Variants in SSBP2 observed in about 807,000 individuals in gnomAD.
SSBP2 encodes single-stranded DNA-binding protein 2.
Under a neutral mutation model 61.8 loss-of-function variants are expected in SSBP2, and 17 were observed. The observed-to-expected ratio is 0.28, with a 90% confidence interval of 0.19 to 0.41. The LOEUF (loss-of-function observed/expected upper bound fraction) is 0.41, where lower values mean the gene tolerates loss of function less well. SSBP2 is among the 10% of genes least tolerant of loss of function. SSBP2 has a pLI of 1.00. For synonymous variants in SSBP2, 139 were observed against 141.3 expected, an observed-to-expected ratio of 0.98 and a Z score of 0.12; for missense variants, 310 against 458.7, an observed-to-expected ratio of 0.68 and a Z score of 2.96.
intron 4 of SSBP2, among the ~76,000 whole-genome samples, chr5:81,541,275 C>G (rs1441244718): frequency 6.6e-6 from 1 of 152,068 alleles, no homozygotes; most frequent in Admixed American, 6.6e-5. Context: ...ATAGAAGACA[C>G]AAACAAATGT....
chr5:81,659,407 C>A (rs1439515569), intron 1 of SSBP2, among the ~76,000 whole-genome samples: 1 of 152,042 alleles, frequency 6.6e-6, no homozygotes, highest in Non-Finnish European at 1.5e-5. Context: ...GAATGAACTC[C>A]CATTCACAAC....
At chr5:81,512,659 T>C (rs896505514) in intron 5 of SSBP2, among the ~76,000 whole-genome samples, 2 of 152,308 alleles carry the variant, frequency 1.3e-5, no homozygotes, top group South Asian at 2.1e-4. Context: ...TTTATTCAAC[T>C]GATACGGTTT....
chr5:81,646,466 G>T (rs1011119239), intron 2 of SSBP2, among the ~76,000 whole-genome samples: 1 of 151,950 alleles, frequency 6.6e-6, no homozygotes, highest in Admixed American at 6.6e-5. Flanking sequence ...GAGGATTTAG[G>T]TAAGATTGTT....
intron 4 of SSBP2, among the ~76,000 whole-genome samples, chr5:81,560,906 A>G (rs1240990003): frequency 6.6e-6 from 1 of 152,178 alleles, no homozygotes; most frequent in African/African-American, 2.4e-5. Context: ...AATACAATAC[A>G]GAATTATTAA....
chr5:81,663,813 T>C (rs971925586), intron 1 of SSBP2, among the ~76,000 whole-genome samples: 3 of 152,200 alleles, frequency 2.0e-5, no homozygotes, highest in African/African-American at 7.2e-5. Flanking sequence ...AAAGTAGCCA[T>C]TTAATATGGG....
intron 5 of SSBP2, among the ~76,000 whole-genome samples, chr5:81,500,649 C>T (rs761968442): frequency 2.6e-5 from 4 of 151,900 alleles, no homozygotes; most frequent in South Asian, 2.1e-4. Flanking sequence ...TTAGTAGAGA[C>T]GGGATTTCAC....
At position 81,532,212 on chromosome 5, in the gene SSBP2, T is replaced by TA. The variant is rs1770470264; in HGVS notation, c.283-18496dup. On this transcript the variant is annotated intron_variant, in intron 4 of 16. Transcript: ENST00000320672. ...GTATGGAGGAGGAAGTGATCATAGA[T>TA]AAAAAGGCCAGATGTGAAAATTAAT... Among the ~76,000 whole-genome samples, 3 of 152,150 alleles carry TA rather than the reference T, an allele frequency of 2.0e-5. No homozygotes were observed. In the South Asian group the frequency reaches 6.2e-4, roughly 31 times the overall value.
rs192283003 is a variant in SSBP2 at position 81,680,451 on chromosome 5, C to A, written c.63-30112G>T. On this transcript the variant is annotated intron_variant, in intron 1 of 16. Coordinates refer to ENST00000320672, the MANE Select transcript of SSBP2 (RefSeq NM_012446.5). The stretch of plus-strand genomic sequence containing the variant: ...ACATTAAACGTCAGTGGTGTAACTA[C>A]ACCAATTAAAAGAGATTGTCAGAGT... 6.9e-4 allele frequency among the ~76,000 whole-genome samples: 105 copies of A among 151,344 alleles called. 2 individuals are homozygous for A. The East Asian group carries it at 0.015, about 22-fold the overall frequency.
At chr5:81,694,239 T>C (rs1006207848) in intron 1 of SSBP2, among the ~76,000 whole-genome samples, 3 of 152,186 alleles carry the variant, frequency 2.0e-5, no homozygotes, top group African/African-American at 7.2e-5. Context: ...TCAGAATGAA[T>C]AAGACCCAGC....
intron 1 of SSBP2, chr5:81,710,809 G>A (rs1754725517): frequency 2.6e-6 from 1 of 385,670 alleles, no homozygotes; most frequent in Non-Finnish European, 5.2e-6. Context: ...ATAAGGAATA[G>A]GCAAAAATTG....
intron 5 of SSBP2, among the ~76,000 whole-genome samples, chr5:81,496,060 A>C (rs764299926): frequency 1.6e-4 from 25 of 152,344 alleles, no homozygotes; most frequent in Non-Finnish European, 3.4e-4. Context: ...TAGAAGTCTG[A>C]GGTACAGTTC....
chr5:81,693,693 G>T (rs1385586441), intron 1 of SSBP2, among the ~76,000 whole-genome samples: 1 of 152,202 alleles, frequency 6.6e-6, no homozygotes, highest in Admixed American at 6.5e-5. Context: ...TGCTGGAGAG[G>T]ATGTGGAGAA....
At chr5:81,432,559 G>C (rs947507270) in intron 15 of SSBP2, among the ~76,000 whole-genome samples, 1 of 151,996 alleles carries the variant, frequency 6.6e-6, no homozygotes, top group Non-Finnish European at 1.5e-5. Flanking sequence ...AGCCTGGCCA[G>C]CCTGGTGAAA....
chr5:81,656,648 A>G lies in SSBP2; in HGVS notation c.63-6309T>C, dbSNP rs550465379. ...GTATATGAAGACCTATGAAGATCTT[A>G]ATTTTTAAATAATGAGCAAGGTAAG... On this transcript the variant is annotated intron_variant, in intron 1 of 16. Transcript: ENST00000320672. Among the ~76,000 whole-genome samples, 10 of 152,188 alleles carry G rather than the reference A, an allele frequency of 6.6e-5. No homozygotes were observed. In the South Asian group the frequency reaches 2.1e-3, roughly 32 times the overall value.
chr5:81,647,776 C>A (rs1031056006), intron 2 of SSBP2, among the ~76,000 whole-genome samples: 1 of 151,996 alleles, frequency 6.6e-6, no homozygotes, highest in African/African-American at 2.4e-5. Context: ...ATGTGTGAAT[C>A]TCTTCTGAAA....
chr5:81,444,400 T>C (rs1763237575), intron 12 of SSBP2, among the ~76,000 whole-genome samples: 1 of 152,218 alleles, frequency 6.6e-6, no homozygotes, highest in Admixed American at 6.5e-5. Flanking sequence ...ATGTCTTCCA[T>C]GAGGTTTTTT....
chr5:81,524,256 T>C (rs1769735596), intron 4 of SSBP2, among the ~76,000 whole-genome samples: 1 of 152,026 alleles, frequency 6.6e-6, no homozygotes, highest in African/African-American at 2.4e-5. Flanking sequence ...CACTGATTCC[T>C]ACAACTACAA....
chr5:81,702,219 A>T (rs1754036982), intron 1 of SSBP2, among the ~76,000 whole-genome samples: 1 of 152,136 alleles, frequency 6.6e-6, no homozygotes, highest in African/African-American at 2.4e-5. Context: ...AAAATACGAA[A>T]AATTAGCTGG....
chr5:81,587,420 T>C (rs1775138937), intron 4 of SSBP2, among the ~76,000 whole-genome samples: 2 of 152,256 alleles, frequency 1.3e-5, no homozygotes, highest in South Asian at 4.1e-4. Context: ...GGTATCAGTG[T>C]GTACACGTGG....
Sources: allele counts gnomAD v4.1 joint callset (sites outside exome capture counted in the v4.1 genomes callset), GRCh38; gene constraint gnomAD v4.1.1; transcripts MANE v1.5; gene names NCBI Gene and HGNC (gene_info 2026-07-23, HGNC 2026-07-21).